PRKCE: variants seen among roughly 807,000 people sequenced by gnomAD.
PRKCE encodes protein kinase C epsilon type.
PRKCE carries 16 observed loss-of-function variants against 85.4 expected under a neutral mutation model. The ratio of observed to expected loss-of-function variants is 0.19; its 90% CI spans 0.13 to 0.28. The LOEUF is 0.28. Among genes scored for constraint, PRKCE ranks in the 10% least tolerant of loss-of-function variants. The pLI, the probability that PRKCE is intolerant of heterozygous loss-of-function variation, is 1.00. For synonymous variants in PRKCE, 388 were observed against 371.5 expected (o/e 1.04, Z -0.51); for missense variants, 573 against 975.2 (o/e 0.59, Z 5.49).
At chr2:46,169,846 G>T (rs1222631337) in intron 14 of PRKCE, among the ~76,000 whole-genome samples, 1 of 152,190 alleles carries the variant, frequency 6.6e-6, no homozygotes, top group Non-Finnish European at 1.5e-5. Context: ...TGGCACTTCA[G>T]ATTGAAGCAC....
At chr2:46,101,086 C>T (rs1000890064) in intron 11 of PRKCE, among the ~76,000 whole-genome samples, 1 of 152,116 alleles carries the variant, frequency 6.6e-6, no homozygotes, top group Non-Finnish European at 1.5e-5. Context: ...GCCAGCTAGT[C>T]TCAAACTCCT....
intron 1 of PRKCE, among the ~76,000 whole-genome samples, chr2:45,805,464 G>T (rs1338779118): frequency 4.6e-5 from 7 of 152,144 alleles, no homozygotes; most frequent in Non-Finnish European, 1.0e-4. Flanking sequence ...CTCTTTACTT[G>T]TGTGACTCTC....
chr2:45,726,975 C>T (rs910241646), intron 1 of PRKCE, among the ~76,000 whole-genome samples: 5 of 152,148 alleles, frequency 3.3e-5, no homozygotes, highest in Non-Finnish European at 7.3e-5. Flanking sequence ...AAAATGTATG[C>T]GAAGGCTTAA....
chr2:45,655,957 A>G (rs1675361438), intron 1 of PRKCE, among the ~76,000 whole-genome samples: 2 of 151,812 alleles, frequency 1.3e-5, no homozygotes, highest in Admixed American at 1.3e-4. Flanking sequence ...TTAAAGAGGT[A>G]TCTACAAGAA....
chr2:45,933,532 G>T lies in PRKCE; in HGVS notation c.413-42897G>T, dbSNP rs570750095. Among the ~76,000 whole-genome samples the T allele has an allele frequency of 6.3e-4, 88 of 140,560 alleles. 4 individuals are homozygous for T. In the South Asian group the frequency reaches 0.02, roughly 32 times the overall value. The allele number at this position is 140,560 out of a possible 152,430, so 92.2% of individuals were successfully genotyped here. On this transcript the variant is annotated intron_variant, in intron 2 of 14. Coordinates refer to ENST00000306156, the MANE Select transcript of PRKCE (RefSeq NM_005400.3). The stretch of plus-strand genomic sequence containing the variant: ...TCTGCCGCCCAGGCTGGAGTGCAGT[G>T]GCGCGATCTCGGCTCACTGCAAGCT...
chr2:45,683,476 C>A (rs1315451753), intron 1 of PRKCE, among the ~76,000 whole-genome samples: 2 of 152,092 alleles, frequency 1.3e-5, no homozygotes, highest in Non-Finnish European at 2.9e-5. Flanking sequence ...AAGTAATACC[C>A]CGAGGAGTAA....
At chr2:45,705,397 A>G (rs1454437357) in intron 1 of PRKCE, among the ~76,000 whole-genome samples, 1 of 152,212 alleles carries the variant, frequency 6.6e-6, no homozygotes, top group Non-Finnish European at 1.5e-5. Context: ...GCTGAAAAGG[A>G]TGGCTTGTCA....
Position 45,935,793 on chromosome 2 carries a change from A to C in PRKCE, c.413-40636A>C, listed in dbSNP as rs928409776. On this transcript the variant is annotated intron_variant, in intron 2 of 14. Coordinates refer to ENST00000306156, the MANE Select transcript of PRKCE (RefSeq NM_005400.3). The stretch of plus-strand genomic sequence containing the variant: ...AAGTGAGACTGTCTCAAAAAAAAAA[A>C]AAAAAATCGCAGCTTAGCTGAATTC... 1.3e-5 allele frequency among the ~76,000 whole-genome samples: 2 copies of C among 152,062 alleles called. 1 individual carries two copies. The highest frequency in any genetic ancestry group is 1.3e-4 in the Admixed American group (2 of 15,254).
At chr2:45,875,592 G>A (rs1318495547) in intron 2 of PRKCE, among the ~76,000 whole-genome samples, 1 of 152,174 alleles carries the variant, frequency 6.6e-6, no homozygotes, top group Admixed American at 6.5e-5. Flanking sequence ...GAGGGATTGA[G>A]TTTTTTGTTG....
chr2:45,926,506 G>T (rs534391845), intron 2 of PRKCE, among the ~76,000 whole-genome samples: 2 of 152,162 alleles, frequency 1.3e-5, no homozygotes, highest in Non-Finnish European at 2.9e-5. Context: ...TGCCCTTAAC[G>T]TAGTACTGGC....
intron 1 of PRKCE, among the ~76,000 whole-genome samples, chr2:45,699,661 G>A (rs1214413918): frequency 6.6e-6 from 1 of 152,200 alleles, no homozygotes; most frequent in African/African-American, 2.4e-5. Flanking sequence ...TGACTCCCAA[G>A]GAAACCAGTC....
intron 5 of PRKCE, among the ~76,000 whole-genome samples, chr2:45,981,360 G>A (rs1702876963): frequency 6.6e-6 from 1 of 152,172 alleles, no homozygotes; most frequent in African/African-American, 2.4e-5. Context: ...TTTATAATCA[G>A]CTGGTCTACA....
chr2:45,661,636 C>T (rs1430917178), intron 1 of PRKCE, among the ~76,000 whole-genome samples: 1 of 142,120 alleles, frequency 7.0e-6, no homozygotes, highest in Non-Finnish European at 1.5e-5. Context: ...TCACACCATT[C>T]TTCTGCCTCA....
intron 2 of PRKCE, among the ~76,000 whole-genome samples, chr2:45,908,019 G>A (rs1338449356): frequency 2.0e-5 from 3 of 152,062 alleles, no homozygotes; most frequent in East Asian, 3.9e-4. Context: ...TTTTTGAGAC[G>A]GGGGAAGCAG....
Position 45,691,183 on chromosome 2 carries a change from G to A in PRKCE, c.348+38735G>A, listed in dbSNP as rs545081854. On this transcript the variant is annotated intron_variant, in intron 1 of 14. Coordinates refer to ENST00000306156, the MANE Select transcript of PRKCE (RefSeq NM_005400.3). Reference sequence around the variant, plus strand: ...AGCTGTGTCCGTCAGTGGGCTGGGCGGTTCTCCATTACAATCTGTGCAAGG... The same window carrying A: ...AGCTGTGTCCGTCAGTGGGCTGGGCAGTTCTCCATTACAATCTGTGCAAGG... Among the ~76,000 whole-genome samples, 10 of 152,278 alleles carry A rather than the reference G, an allele frequency of 6.6e-5. No individual in the cohort carries two copies. In the South Asian group the frequency reaches 1.2e-3, roughly 19 times the overall value.
chr2:45,690,836 A>C (rs1010188235), intron 1 of PRKCE, among the ~76,000 whole-genome samples: 3 of 152,246 alleles, frequency 2.0e-5, no homozygotes, highest in African/African-American at 4.8e-5. Context: ...TAGACCATCC[A>C]GGTGCTCCCA....
At chr2:46,098,897 T>C (rs1670949204) in intron 11 of PRKCE, among the ~76,000 whole-genome samples, 1 of 152,054 alleles carries the variant, frequency 6.6e-6, no homozygotes, top group Admixed American at 6.5e-5. Flanking sequence ...CAGTTGGCCA[T>C]GTTTGTTTCA....
intron 2 of PRKCE, among the ~76,000 whole-genome samples, chr2:45,845,048 A>G (rs183819948): frequency 3.9e-5 from 6 of 152,036 alleles, no homozygotes; most frequent in Admixed American, 3.3e-4. Flanking sequence ...GAAGAAAAGA[A>G]GACATTTTTC....
chr2:46,165,579 T>C (rs1336006119), intron 14 of PRKCE, among the ~76,000 whole-genome samples: 1 of 152,214 alleles, frequency 6.6e-6, no homozygotes, highest in East Asian at 1.9e-4. Flanking sequence ...TGGCCTTGTC[T>C]AATTGCCAAT....
Sources: allele counts gnomAD v4.1 joint callset (sites outside exome capture counted in the v4.1 genomes callset), GRCh38; gene constraint gnomAD v4.1.1; transcripts MANE v1.5; gene names NCBI Gene and HGNC (gene_info 2026-07-23, HGNC 2026-07-21).